Variants in AADACL3 observed in about 807,000 individuals in gnomAD.
AADACL3 encodes arylacetamide deacetylase like 3, also known as arylacetamide deacetylase-like 3.
AADACL3 carries 13 observed loss-of-function variants against 13.6 expected under a neutral mutation model. The observed-to-expected ratio is 0.95, with a 90% confidence interval of 0.62 to 1.52. AADACL3 has a LOEUF of 1.52. Ranked by LOEUF, AADACL3 falls within the 40% of genes most tolerant of loss-of-function variation. The probability of loss-of-function intolerance (pLI) is 0.00; values close to 1 mark genes in which losing one functional copy is unlikely to be tolerated. For synonymous variants in AADACL3, 195 were observed against 197.0 expected, an observed-to-expected ratio of 0.99 and a Z score of 0.08; for missense variants, 519 against 499.2, an observed-to-expected ratio of 1.04 and a Z score of -0.38.
In AADACL3 at chr1:12,719,687, T is replaced by G. The variant is rs1467489958; in HGVS notation, c.381T>G (p.Ser127Arg). The G allele has an allele frequency of 6.2e-7, 1 of 1,613,450 alleles. No individual in the cohort carries two copies. Among genetic ancestry groups the G allele is most frequent in the East Asian group, 2.2e-5 (1 of 44,858 alleles). Reference sequence around the variant, plus strand: ...ACGGTGGCGGGGGCGTCATGGGGAGTTTGAGTAAGAACCATTTTCTCAGAC... The same window carrying G: ...ACGGTGGCGGGGGCGTCATGGGGAGGTTGAGTAAGAACCATTTTCTCAGAC... ...YYHGGGGVMG[S>R]LKTHHGICSR... The change falls in exon 2 of 4, where the codon AGT becomes AGG. Residue 127 changes from serine to arginine, a missense_variant. Transcript: ENST00000359318.
rs1368086728 is a variant in AADACL3 at position 12,728,183 on chromosome 1, G to A, written c.*2187G>A. ...AGACTCACTGAGTGGAAAAGGGATA[G>A]GAATGAATGTTCACCCAGGGCCAGC... On this transcript the variant is annotated 3_prime_UTR_variant, in exon 4 of 4. Transcript: ENST00000359318. 1 of 152,194 alleles carries A rather than the reference G, an allele frequency of 6.6e-6. No individual in the cohort carries two copies. The highest frequency in any genetic ancestry group is 2.4e-5 in the African/African-American group (1 of 41,444). The allele number at this position is 152,194 out of a possible 1,614,324, so 9.4% of individuals were successfully genotyped here.
chr1:12,716,999 A>T (rs1285647013), intron 1 of AADACL3, among the ~76,000 whole-genome samples: 1 of 152,202 alleles, frequency 6.6e-6, no homozygotes, highest in Non-Finnish European at 1.5e-5. Context: ...CTTCTGGTGT[A>T]ATTTGTTAAA....
chr1:12,728,367 T>C lies in AADACL3; in HGVS notation c.*2371T>C, dbSNP rs1638415838. Reference sequence around the variant, plus strand: ...CACATGAATTTTTTGCTTTCCTTAGTGCATGTAAAAGTTACATTTCCACTA... The same window carrying C: ...CACATGAATTTTTTGCTTTCCTTAGCGCATGTAAAAGTTACATTTCCACTA... On this transcript the variant is annotated 3_prime_UTR_variant, in exon 4 of 4. Coordinates refer to ENST00000359318, the MANE Select transcript of AADACL3 (RefSeq NM_001103170.3). 6.6e-6 allele frequency: 1 copy of C among 152,194 alleles called. No homozygotes were observed. The highest frequency in any genetic ancestry group is 2.4e-5 in the African/African-American group (1 of 41,418). 9.4% of individuals were successfully genotyped at this position (152,194 alleles called of 1,614,324 possible).
At chr1:12,723,499 A>G (rs1277931593) in intron 3 of AADACL3, among the ~76,000 whole-genome samples, 1 of 151,988 alleles carries the variant, frequency 6.6e-6, no homozygotes, top group East Asian at 1.9e-4. Flanking sequence ...TGTTTTTGAG[A>G]TGGGATCTCA....
In AADACL3 at chr1:12,726,774, C is replaced by T. The variant is rs543533415; in HGVS notation, c.*778C>T. On this transcript the variant is annotated 3_prime_UTR_variant, in exon 4 of 4. Transcript: ENST00000359318. ...GGAAGTGGGGTCCTGAGTTAGAGAC[C>T]CATGAAGGCTGAGTCTAACCAGATA... is the stretch of plus-strand genomic sequence containing the variant. 23 of 152,304 alleles carry T rather than the reference C, an allele frequency of 1.5e-4. No individual in the cohort carries two copies. The highest frequency in any genetic ancestry group is 5.3e-4 in the African/African-American group (22 of 41,540). The allele number at this position is 152,304 out of a possible 1,614,324, so 9.4% of individuals were successfully genotyped here. A position where few individuals can be genotyped will look rare whatever the true frequency, so the allele number is the denominator to read the frequency against.
Position 12,719,508 on chromosome 1 carries a change from A to G in AADACL3, c.202A>G (p.Met68Val), listed in dbSNP as rs1460568345. 3 of 1,613,968 alleles carry G rather than the reference A, an allele frequency of 1.9e-6. No individual in the cohort carries two copies. Among genetic ancestry groups the G allele is most frequent in the Non-Finnish European group, 2.5e-6 (3 of 1,179,964 alleles). The change falls in exon 2 of 4, where the codon ATG becomes GTG. Residue 68 changes from methionine to valine, a missense_variant. Coordinates refer to ENST00000359318, the MANE Select transcript of AADACL3 (RefSeq NM_001103170.3). The stretch of plus-strand genomic sequence containing the variant: ...ATTTGAGAAGCTCAGAATCTGTTCT[A>G]TGCCCCAATTTTTCTGTTTCATGCA... ...MIFEKLRICS[M>V]PQFFCFMQDL...
Position 12,719,589 on chromosome 1 carries a change from G to A in AADACL3, c.283G>A (p.Gly95Arg). 6.2e-7 allele frequency: 1 copy of A among 1,614,118 alleles called. No homozygotes were observed. The highest frequency in any genetic ancestry group is 8.5e-7 in the Non-Finnish European group (1 of 1,179,990). The change falls in exon 2 of 4, where the codon GGG becomes AGG. Residue 95 changes from glycine (G) to arginine (R), a missense_variant. Coordinates refer to ENST00000359318, the MANE Select transcript of AADACL3 (RefSeq NM_001103170.3). ...TGTTGTGGTCACGGATTTCCGCTTT[G>A]GGACAATCCCTGTGAAGCTGTACCA... ...PDVVVTDFRF[G>R]TIPVKLYQPK...
rs758029667 is a variant in AADACL3, at chr1:12,716,367, C to A, written c.168+23C>A. The A allele has an allele frequency of 1.9e-6, 3 of 1,613,938 alleles. No individual in the cohort carries two copies. In the South Asian group the frequency reaches 3.3e-5, roughly 18 times the overall value. ...TGGGTGAGTTTTGTGCTTTATGTGT[C>A]CCCTCCAGCTGACCATTAAGGAAGG... On this transcript the variant is annotated intron_variant, in intron 1 of 3. Transcript: ENST00000359318.
chr1:12,717,954 T>C (rs1193475227), intron 1 of AADACL3, among the ~76,000 whole-genome samples: 2 of 152,148 alleles, frequency 1.3e-5, no homozygotes, highest in African/African-American at 2.4e-5. Flanking sequence ...TCATGAGGAA[T>C]GAAGGCAACA....
chr1:12,725,684 T>G lies in AADACL3; in HGVS notation c.912T>G (p.His304Gln). The change falls in exon 4 of 4, where the codon CAT becomes CAG. Residue 304 changes from histidine (H) to glutamine (Q), a missense_variant. His to Gln is a conservative substitution (Grantham distance 24). Coordinates refer to ENST00000359318, the MANE Select transcript of AADACL3 (RefSeq NM_001103170.3). ...AGAGGGGTTACCAACTGAAGCCCCA[T>G]GAGCCCATGAATGAAGCTGCTTACT... Reference protein sequence around the residue: ...FKERGYQLKPHEPMNEAAYLE... With the variant: ...FKERGYQLKPQEPMNEAAYLE... 8 of 1,614,152 alleles carry G rather than the reference T, an allele frequency of 5.0e-6. No individual in the cohort carries two copies. The highest frequency in any genetic ancestry group is 5.9e-6 in the Non-Finnish European group (7 of 1,180,036).
rs201373218 is a variant in AADACL3, at chr1:12,719,722, G to T, written c.385+31G>T. On this transcript the variant is annotated intron_variant, in intron 2 of 3. Coordinates refer to ENST00000359318, the MANE Select transcript of AADACL3 (RefSeq NM_001103170.3). ...AACCATTTTCTCAGACCTCCTAAAG[G>T]GTGGTGGCACCCCTTAACATAACTT... The T allele has an allele frequency of 2.3e-4, 367 of 1,591,920 alleles. No homozygotes were observed. In the African/African-American group the frequency reaches 3.2e-3, roughly 14 times the overall value.
At position 12,725,362 on chromosome 1, in the gene AADACL3, C is replaced by T; in HGVS notation, c.590C>T (p.Ala197Val). Residue 197 changes from alanine to valine, a missense_variant, in exon 4 of 4, where the codon GCA becomes GTA. By Grantham distance (64) the Ala-to-Val change is moderately conservative (BLOSUM62 0). Coordinates refer to ENST00000359318, the MANE Select transcript of AADACL3 (RefSeq NM_001103170.3). ...VVVCGDSFGG[A>V]IAAVVCQQLV... ...GTCTGCGGTGACAGTTTCGGAGGGGCAATAGCCGCAGTGGTTTGTCAACAA... is the reference window on the plus strand; with the variant it reads ...GTCTGCGGTGACAGTTTCGGAGGGGTAATAGCCGCAGTGGTTTGTCAACAA... 2 of 1,614,076 alleles carry T rather than the reference C, an allele frequency of 1.2e-6. No individual in the cohort carries two copies. Among genetic ancestry groups the T allele is most frequent in the Non-Finnish European group, 1.7e-6 (2 of 1,180,012 alleles).
Position 12,727,758 on chromosome 1 carries a change from C to T in AADACL3, c.*1762C>T, listed in dbSNP as rs1638399275. 1 of 152,284 alleles carries T rather than the reference C, an allele frequency of 6.6e-6. No homozygotes were observed. The highest frequency in any genetic ancestry group is 2.4e-5 in the African/African-American group (1 of 41,466). 9.4% of individuals were successfully genotyped at this position (152,284 alleles called of 1,614,324 possible). Reference sequence around the variant, plus strand: ...CTGAAAACACACACTATGGTAGCCACTCAACTGTTGAAAGGCACTGGAGTC... The same window carrying T: ...CTGAAAACACACACTATGGTAGCCATTCAACTGTTGAAAGGCACTGGAGTC... On this transcript the variant is annotated 3_prime_UTR_variant, in exon 4 of 4. Transcript: ENST00000359318.
At position 12,727,914 on chromosome 1, in the gene AADACL3, G is replaced by A. The variant is rs1638402868; in HGVS notation, c.*1918G>A. The A allele has an allele frequency of 6.6e-6, 1 of 152,314 alleles. No homozygotes were observed. The highest frequency in any genetic ancestry group is 2.1e-4 in the South Asian group (1 of 4,822). The allele number at this position is 152,314 out of a possible 1,614,324, so 9.4% of individuals were successfully genotyped here. On this transcript the variant is annotated 3_prime_UTR_variant, in exon 4 of 4. Coordinates refer to ENST00000359318, the MANE Select transcript of AADACL3 (RefSeq NM_001103170.3). Reference sequence around the variant, plus strand: ...TAGAGGAACATGAGCTGACCTTCTGGGAAGTGAGGTTGGTGAGGAGTTGCT... The same window carrying A: ...TAGAGGAACATGAGCTGACCTTCTGAGAAGTGAGGTTGGTGAGGAGTTGCT...
At chr1:12,718,325 C>A (rs912996891) in intron 1 of AADACL3, among the ~76,000 whole-genome samples, 19 of 144,428 alleles carry the variant, frequency 1.3e-4, no homozygotes, top group Non-Finnish European at 2.7e-4. Flanking sequence ...GAGTTTGAGA[C>A]CAGCCTGGGT....
intron 1 of AADACL3, among the ~76,000 whole-genome samples, chr1:12,718,457 A>G (rs887211795): frequency 4.6e-5 from 7 of 152,008 alleles, no homozygotes; most frequent in Non-Finnish European, 7.4e-5. Flanking sequence ...GAAACACTGG[A>G]AAGGATACCC....
Position 12,719,532 on chromosome 1 carries a change from C to A in AADACL3, c.226C>A (p.Gln76Lys). The A allele has an allele frequency of 6.2e-7, 1 of 1,614,146 alleles. No individual in the cohort carries two copies. The highest frequency in any genetic ancestry group is 8.5e-7 in the Non-Finnish European group (1 of 1,179,984). Reference sequence around the variant, plus strand: ...TATGCCCCAATTTTTCTGTTTCATGCAAGATCTGCCTCCGCTAAAGTATGA... The same window carrying A: ...TATGCCCCAATTTTTCTGTTTCATGAAAGATCTGCCTCCGCTAAAGTATGA... Reference protein sequence around the residue: ...CSMPQFFCFMQDLPPLKYDPD... With the variant: ...CSMPQFFCFMKDLPPLKYDPD... Residue 76 changes from glutamine to lysine, a missense_variant, in exon 2 of 4, where the codon CAA (glutamine) becomes AAA (lysine). Physicochemically the swap from Gln to Lys is moderately conservative, Grantham distance 53. Transcript: ENST00000359318.
intron 2 of AADACL3, 81 bp downstream of exon 2, chr1:12,719,772 C>T (rs1648528646): frequency 5.1e-6 from 7 of 1,380,514 alleles, no homozygotes; most frequent in Non-Finnish European, 7.1e-6. Context: ...CTTCCTGGGA[C>T]TTAAAGTATG....
rs776658795 is a variant in AADACL3, at chr1:12,725,429, C to A, written c.657C>A (p.Ile219=). ...ATCTGCCCCGGATCCGGGCTCAGAT[C>A]CTGATCTATGCCATTCTCCAAGCCC... ...RPDLPRIRAQ[I]LIYAILQALD... The change falls in exon 4 of 4, where the codon ATC becomes ATA. Residue 219 remains isoleucine, a synonymous_variant. Coordinates refer to ENST00000359318, the MANE Select transcript of AADACL3 (RefSeq NM_001103170.3). The A allele has an allele frequency of 6.2e-7, 1 of 1,613,986 alleles. No homozygotes were observed.
Sources: gnomAD v4.1 joint callset for allele counts (sites outside exome capture counted in the v4.1 genomes callset) on GRCh38, gnomAD v4.1.1 for gene constraint, MANE v1.5 for transcripts, NCBI Gene and HGNC (gene_info 2026-07-23, HGNC 2026-07-21) for gene names.